FBH1: variants seen among roughly 807,000 people sequenced by gnomAD.
The protein encoded by FBH1 is F-box DNA helicase 1.
FBH1 carries 43 observed loss-of-function variants against 115.5 expected under a neutral mutation model. The ratio of observed to expected loss-of-function variants is 0.37; its 90% CI spans 0.29 to 0.48. FBH1 has a LOEUF of 0.48. Ranked by LOEUF, FBH1 falls within the 20% of genes least tolerant of loss-of-function variation. The pLI, the probability that FBH1 is intolerant of heterozygous loss-of-function variation, is 0.99. For synonymous variants in FBH1, 524 were observed against 507.8 expected (o/e 1.03, Z -0.43); for missense variants, 1,001 against 1,337.3 (o/e 0.75, Z 3.92).
chr10:5,917,841 A>G lies in FBH1; in HGVS notation c.1963+165A>G, dbSNP rs1342070670. ...TCAAGCTGCCCCTTCCCCTCACCCA[A>G]GCAGATTTCTCTGTCACCATAGGTT... On this transcript the variant is annotated intron_variant, in intron 12 of 20. Coordinates refer to ENST00000362091, the MANE Select transcript of FBH1 (RefSeq NM_178150.3). This position sits in a 1 kb window ranked among gnomAD's most constrained non-coding sequence, Gnocchi z 5.6. Among the ~76,000 whole-genome samples the G allele has an allele frequency of 2.6e-5, 4 of 152,186 alleles. No homozygotes were observed.
intron 19 of FBH1, chr10:5,934,371 T>G (rs1053592796): frequency 1.8e-5 from 2 of 108,938 alleles, no homozygotes; most frequent in African/African-American, 2.9e-5. Context: ...CAGGTTTTTT[T>G]TTTTGTTTTT....
rs1832065666 is a variant in FBH1 at position 5,917,846 on chromosome 10, A to T, written c.1963+170A>T. Among the ~76,000 whole-genome samples the T allele has an allele frequency of 2.0e-5, 3 of 152,198 alleles. No individual in the cohort carries two copies. The South Asian group carries it at 6.2e-4, about 31-fold the overall frequency. Reference sequence around the variant, plus strand: ...CTGCCCCTTCCCCTCACCCAAGCAGATTTCTCTGTCACCATAGGTTTTGCT... The same window carrying T: ...CTGCCCCTTCCCCTCACCCAAGCAGTTTTCTCTGTCACCATAGGTTTTGCT... On this transcript the variant is annotated intron_variant, in intron 12 of 20. Transcript: ENST00000362091. The surrounding 1 kb of genome is among the most constrained non-coding windows in gnomAD (Gnocchi z 5.6).
chr10:5,894,256 G>T lies in FBH1; in HGVS notation c.1+3910G>T, dbSNP rs1488064709. The stretch of plus-strand genomic sequence containing the variant: ...ATATTTTGAAGTTTTTCCATTTCGG[G>T]TCTACAGCATTTAGTGGTATTTTCC... On this transcript the variant is annotated intron_variant, in intron 1 of 20. Transcript: ENST00000362091. 11 of 1,410,340 alleles carry T rather than the reference G, an allele frequency of 7.8e-6. No individual in the cohort carries two copies. In the East Asian group the frequency reaches 2.5e-4, roughly 32 times the overall value. 87.4% of individuals were successfully genotyped at this position (1,410,340 alleles called of 1,614,324 possible). A position where few individuals can be genotyped will look rare whatever the true frequency, so the allele number is the denominator to read the frequency against.
intron 19 of FBH1, chr10:5,928,241 C>G (rs1189630571): frequency 6.7e-6 from 1 of 148,942 alleles, no homozygotes; most frequent in Non-Finnish European, 1.5e-5. Flanking sequence ...ACCTGGAACT[C>G]CTAGGCTCAA....
chr10:5,936,732 T>G lies in FBH1; in HGVS notation c.2961+145T>G, dbSNP rs1833384065. On this transcript the variant is annotated intron_variant, in intron 20 of 20. Transcript: ENST00000362091. The surrounding 1 kb of genome is among the most constrained non-coding windows in gnomAD (Gnocchi z 5.6). ...CTTTTCATATGAGAGGCACAAGAGG[T>G]GTGTGGTCTGTCCCAGGGTCAGAGG... The G allele has an allele frequency of 9.3e-7, 1 of 1,070,412 alleles. No homozygotes were observed. The highest frequency in any genetic ancestry group is 1.6e-5 in the African/African-American group (1 of 63,774). The allele number at this position is 1,070,412 out of a possible 1,614,324, so 66.3% of individuals were successfully genotyped here. A position where few individuals can be genotyped will look rare whatever the true frequency, so the allele number is the denominator to read the frequency against.
chr10:5,903,340 T>C (rs56363188), intron 2 of FBH1, among the ~76,000 whole-genome samples, 165 bp downstream of exon 2: 118 of 152,110 alleles, frequency 7.8e-4, no homozygotes, highest in African/African-American at 2.6e-3. Context: ...AGTTTTTTTT[T>C]TTTTTTTGAG....
intron 1 of FBH1, among the ~76,000 whole-genome samples, chr10:5,901,324 T>G (rs1368175187): frequency 2.0e-5 from 3 of 151,870 alleles, no homozygotes; most frequent in Non-Finnish European, 2.9e-5. Flanking sequence ...GCCCAGCTAA[T>G]TTTTTCTATT....
chr10:5,907,190 C>G (rs1319136495), intron 3 of FBH1, among the ~76,000 whole-genome samples: 1 of 143,656 alleles, frequency 7.0e-6, no homozygotes, highest in Non-Finnish European at 1.6e-5. Context: ...CTCTGAAACT[C>G]CTAACTTCAA....
intron 1 of FBH1, chr10:5,894,985 A>G: frequency 1.9e-6 from 3 of 1,549,884 alleles, no homozygotes; most frequent in Non-Finnish European, 2.6e-6. Flanking sequence ...GCTTGAGTGA[A>G]TACTTTTATG....
At position 5,915,525 on chromosome 10, in the gene FBH1, A is replaced by G. The variant is rs779016714; in HGVS notation, c.1519A>G (p.Ile507Val). 34 of 1,614,110 alleles carry G rather than the reference A, an allele frequency of 2.1e-5. No homozygotes were observed. ...QAERVFPSNV[I>V]CKTFHSMAYG... ...CGAACGCGTCTTCCCCAGCAACGTC[A>G]TCTGCAAAACCTTCCACTCCATGGC... Residue 507 changes from isoleucine (I) to valine (V), a missense_variant, in exon 9 of 21, where the codon ATC (isoleucine) becomes GTC (valine). This residue lies in a region of FBH1 where 521 missense variants were observed against 811.0 expected (regional missense o/e 0.64). Coordinates refer to ENST00000362091, the MANE Select transcript of FBH1 (RefSeq NM_178150.3). This position sits in a 1 kb window ranked among gnomAD's most constrained non-coding sequence, Gnocchi z 5.2.
intron 2 of FBH1, 99 bp downstream of exon 2, chr10:5,903,274 A>T: frequency 1.1e-6 from 1 of 939,620 alleles, no homozygotes; most frequent in Non-Finnish European, 1.5e-6. Flanking sequence ...TGCTGCTGTG[A>T]GTTTGTAGTC....
rs200423565 is a variant in FBH1 at position 5,925,505 on chromosome 10, C to G, written c.2722+13C>G. ...CACTTCAGAGTTGGTAAGAGGCCGC[C>G]GGGTAGTGTCAGGTGCTGCTGTATG... is the stretch of plus-strand genomic sequence containing the variant. On this transcript the variant is annotated intron_variant, in intron 18 of 20. Coordinates refer to ENST00000362091, the MANE Select transcript of FBH1 (RefSeq NM_178150.3). The surrounding 1 kb of genome is among the most constrained non-coding windows in gnomAD (Gnocchi z 4.6). 1 of 1,613,116 alleles carries G rather than the reference C, an allele frequency of 6.2e-7. No individual in the cohort carries two copies. The highest frequency in any genetic ancestry group is 1.1e-5 in the South Asian group (1 of 90,996).
In FBH1 at chr10:5,911,443, G is replaced by A. The variant is rs1204992081; in HGVS notation, c.1211+315G>A. Among the ~76,000 whole-genome samples, 1 of 152,178 alleles carries A rather than the reference G, an allele frequency of 6.6e-6. No homozygotes were observed. The highest frequency in any genetic ancestry group is 2.4e-5 in the African/African-American group (1 of 41,436). On this transcript the variant is annotated intron_variant, in intron 6 of 20. Coordinates refer to ENST00000362091, the MANE Select transcript of FBH1 (RefSeq NM_178150.3). The surrounding 1 kb of genome is among the most constrained non-coding windows in gnomAD (Gnocchi z 5.4). Reference sequence around the variant, plus strand: ...GCCTTTCTTATTCACCCGTGGCCTCGCTTCCCTAGGAAAATGTTAGGCTCT... The same window carrying A: ...GCCTTTCTTATTCACCCGTGGCCTCACTTCCCTAGGAAAATGTTAGGCTCT...
In FBH1 at chr10:5,925,196, C is replaced by G; in HGVS notation, c.2597-171C>G. On this transcript the variant is annotated intron_variant, in intron 17 of 20. Coordinates refer to ENST00000362091, the MANE Select transcript of FBH1 (RefSeq NM_178150.3). This position sits in a 1 kb window ranked among gnomAD's most constrained non-coding sequence, Gnocchi z 4.6. Reference sequence around the variant, plus strand: ...CTCGTCTTTTTCTTTTTTCTGTTCCCGACAGTTGTCTGTTCCCGACAGTTG... The same window carrying G: ...CTCGTCTTTTTCTTTTTTCTGTTCCGGACAGTTGTCTGTTCCCGACAGTTG... 2.6e-6 allele frequency: 2 copies of G among 773,348 alleles called. No individual in the cohort carries two copies. The highest frequency in any genetic ancestry group is 2.8e-5 in the East Asian group (1 of 35,536). The allele number at this position is 773,348 out of a possible 1,614,324, so 47.9% of individuals were successfully genotyped here.
Position 5,909,418 on chromosome 10 carries a change from G to A in FBH1, c.1020+124G>A. 8.7e-7 allele frequency: 1 copy of A among 1,149,546 alleles called. No homozygotes were observed. The highest frequency in any genetic ancestry group is 1.2e-6 in the Non-Finnish European group (1 of 839,066). The allele number at this position is 1,149,546 out of a possible 1,614,324, so 71.2% of individuals were successfully genotyped here. On this transcript the variant is annotated intron_variant, in intron 5 of 20. Coordinates refer to ENST00000362091, the MANE Select transcript of FBH1 (RefSeq NM_178150.3). The surrounding 1 kb of genome is among the most constrained non-coding windows in gnomAD (Gnocchi z 4.4). ...TAATGTCTGTATTTAATCTCTGAAT[G>A]CTTTGAAGCATTCATGTTGTCATTG...
In FBH1 at chr10:5,910,114, T is replaced by C. The variant is rs965850869; in HGVS notation, c.1020+820T>C. Among the ~76,000 whole-genome samples, 1 of 152,130 alleles carries C rather than the reference T, an allele frequency of 6.6e-6. No individual in the cohort carries two copies. The highest frequency in any genetic ancestry group is 1.5e-5 in the Non-Finnish European group (1 of 68,018). ...CTGGCCAACATGGTGAAACCCTGTC[T>C]CTACCAAAAATACAAAAATTAGCCG... On this transcript the variant is annotated intron_variant, in intron 5 of 20. Transcript: ENST00000362091. This position sits in a 1 kb window ranked among gnomAD's most constrained non-coding sequence, Gnocchi z 4.8.
intron 1 of FBH1, among the ~76,000 whole-genome samples, chr10:5,901,241 C>T (rs531446971): frequency 7.4e-4 from 112 of 151,854 alleles, no homozygotes; most frequent in African/African-American, 2.5e-3. Context: ...GGTGCGACCT[C>T]GGCTCACTGC....
rs567869080 is a variant in FBH1, at chr10:5,924,069, G to T, written c.2399-242G>T. Reference sequence around the variant, plus strand: ...GTTGACTGCACTATTTCAAATCCCTGTGAAGTAGGTGAGGATCTTGAGCCG... The same window carrying T: ...GTTGACTGCACTATTTCAAATCCCTTTGAAGTAGGTGAGGATCTTGAGCCG... On this transcript the variant is annotated intron_variant, in intron 16 of 20. Transcript: ENST00000362091. The surrounding 1 kb of genome is among the most constrained non-coding windows in gnomAD (Gnocchi z 6.2). 416 of 585,022 alleles carry T rather than the reference G, an allele frequency of 7.1e-4. 2 individuals are homozygous for T. The highest frequency in any genetic ancestry group is 1.0e-4 in the Non-Finnish European group (34 of 329,398). The allele number at this position is 585,022 out of a possible 1,614,324, so 36.2% of individuals were successfully genotyped here. A position where few individuals can be genotyped will look rare whatever the true frequency, so the allele number is the denominator to read the frequency against.
chr10:5,916,189 A>T (rs775135674), intron 9 of FBH1, 45 bp from the exon 10 acceptor site: 1 of 1,553,764 alleles, frequency 6.4e-7, no homozygotes, highest in Non-Finnish European at 8.9e-7. Context: ...CAATAGCACC[A>T]AGCCAGGAGA....
Sources: gnomAD v4.1 joint callset for allele counts (sites outside exome capture counted in the v4.1 genomes callset) on GRCh38, gnomAD v4.1.1 for gene constraint, gnomAD v4.1.1 regional missense constraint, Gnocchi (gnomAD v3.1) non-coding constraint, MANE v1.5 for transcripts, NCBI Gene and HGNC (gene_info 2026-07-23, HGNC 2026-07-21) for gene names.